CDH13: variants seen among roughly 807,000 people sequenced by gnomAD.
The protein encoded by CDH13 is cadherin 13, also known as cadherin-13.
Under a neutral mutation model 63.8 loss-of-function variants are expected in CDH13, and 24 were observed. The ratio of observed to expected loss-of-function variants is 0.38; its 90% CI spans 0.27 to 0.53. CDH13 has a LOEUF of 0.53. Among genes scored for constraint, CDH13 ranks in the 20% least tolerant of loss-of-function variants. The pLI is 0.85. For missense variants in CDH13, 1,049 were observed against 903.1 expected (o/e 1.16, Z -2.07); for synonymous variants, 503 against 355.3 (o/e 1.42, Z -4.67).
intron 6 of CDH13, among the ~76,000 whole-genome samples, chr16:83,359,733 A>G (rs1004219144): frequency 2.0e-5 from 3 of 152,192 alleles, no homozygotes; most frequent in African/African-American, 7.2e-5. Context: ...CAAATTTGCA[A>G]TTTCAGAGTG....
chr16:83,546,785 C>T (rs958553542), intron 7 of CDH13, among the ~76,000 whole-genome samples: 27 of 152,178 alleles, frequency 1.8e-4, no homozygotes, highest in African/African-American at 5.5e-4. Flanking sequence ...GCTATTGTTA[C>T]TCAGTTGATG....
chr16:82,657,286 A>G (rs1049119040), intron 1 of CDH13, among the ~76,000 whole-genome samples: 1 of 152,230 alleles, frequency 6.6e-6, no homozygotes, highest in African/African-American at 2.4e-5. Flanking sequence ...ATGTTGTAAT[A>G]AAAGTTACAT....
chr16:83,542,569 T>C (rs554457049), intron 7 of CDH13, among the ~76,000 whole-genome samples: 1 of 152,348 alleles, frequency 6.6e-6, no homozygotes, highest in East Asian at 1.9e-4. Context: ...TATTCTCCCA[T>C]GGTTCTGGAA....
chr16:83,039,949 C>T (rs140239585), intron 3 of CDH13, among the ~76,000 whole-genome samples: 1 of 152,074 alleles, frequency 6.6e-6, no homozygotes, highest in East Asian at 2.0e-4. Context: ...CCCCAGCTGG[C>T]TAGGTGTTCT....
intron 1 of CDH13, among the ~76,000 whole-genome samples, chr16:82,725,390 G>T (rs1210759039): frequency 1.3e-5 from 2 of 152,166 alleles, no homozygotes; most frequent in Non-Finnish European, 2.9e-5. Context: ...GGGTTCTGGA[G>T]CTGGACTGTC....
At position 82,715,386 on chromosome 16, in the gene CDH13, C is replaced by A. The variant is rs563022557; in HGVS notation, c.45+88249C>A. ...GTTGAGAGGCAAAGGCGGCCCCGCC[C>A]CATGCTCTGGTTTCTGCTTGCACCT... On this transcript the variant is annotated intron_variant, in intron 1 of 13. Transcript: ENST00000567109. Among the ~76,000 whole-genome samples, 52 of 152,180 alleles carry A rather than the reference C, an allele frequency of 3.4e-4. No individual in the cohort carries two copies. The South Asian group carries it at 0.011, about 31-fold the overall frequency.
intron 7 of CDH13, among the ~76,000 whole-genome samples, chr16:83,601,998 C>A (rs1183920804): frequency 6.8e-6 from 1 of 147,624 alleles, no homozygotes; most frequent in African/African-American, 2.5e-5. Flanking sequence ...GAGGCTGAGG[C>A]AGGAGAATCG....
intron 1 of CDH13, among the ~76,000 whole-genome samples, chr16:82,765,955 G>T (rs912658354): frequency 3.9e-5 from 6 of 152,160 alleles, no homozygotes; most frequent in Admixed American, 3.9e-4. Flanking sequence ...TCATAGTTAT[G>T]TGAGTTCAGA....
intron 1 of CDH13, among the ~76,000 whole-genome samples, chr16:82,809,805 A>G (rs960010763): frequency 2.6e-5 from 4 of 152,176 alleles, no homozygotes; most frequent in Admixed American, 1.3e-4. Flanking sequence ...CCCCTGATTT[A>G]CCATGCCATT....
chr16:82,689,457 T>C (rs1266877433), intron 1 of CDH13, among the ~76,000 whole-genome samples: 2 of 152,322 alleles, frequency 1.3e-5, no homozygotes, highest in African/African-American at 4.8e-5. Flanking sequence ...TTGGATTTTT[T>C]GTGGGTTTTC....
chr16:83,356,905 G>T (rs2091067956), intron 6 of CDH13, among the ~76,000 whole-genome samples: 1 of 152,152 alleles, frequency 6.6e-6, no homozygotes, highest in Admixed American at 6.5e-5. Flanking sequence ...TTATTCAGAA[G>T]ACTGGCTCTT....
At chr16:82,834,296 T>C (rs2038670973) in intron 1 of CDH13, among the ~76,000 whole-genome samples, 1 of 152,140 alleles carries the variant, frequency 6.6e-6, no homozygotes, top group South Asian at 2.1e-4. Flanking sequence ...TTCTTGGTCA[T>C]TTGTACTGAA....
chr16:83,307,093 A>G (rs944762686), intron 5 of CDH13, among the ~76,000 whole-genome samples: 2 of 152,170 alleles, frequency 1.3e-5, no homozygotes, highest in African/African-American at 4.8e-5. Flanking sequence ...GTCAATTTTC[A>G]GGAAAAACTT....
At chr16:83,652,679 G>A (rs1449359977) in intron 8 of CDH13, among the ~76,000 whole-genome samples, 1 of 152,098 alleles carries the variant, frequency 6.6e-6, no homozygotes, top group Non-Finnish European at 1.5e-5. Context: ...AAGCTGACAG[G>A]CCACGGTCTC....
At chr16:83,681,026 C>T (rs1915359895) in intron 10 of CDH13, among the ~76,000 whole-genome samples, 1 of 152,030 alleles carries the variant, frequency 6.6e-6, no homozygotes, top group African/African-American at 2.4e-5. Flanking sequence ...CAACATCTTC[C>T]TTCCTAATCA....
chr16:83,124,779 G>C lies in CDH13; in HGVS notation c.367-606G>C, dbSNP rs150682604. Among the ~76,000 whole-genome samples, 1,128 of 152,226 alleles carry C rather than the reference G, an allele frequency of 7.4e-3. 5 individuals are homozygous for C. Among genetic ancestry groups the C allele is most frequent in the Non-Finnish European group, 0.011 (770 of 68,024 alleles). ...TTAGGCCAACACCATTTATTGAATA[G>C]AGCGTCATTTCCCTATCATATATTT... On this transcript the variant is annotated intron_variant, in intron 3 of 13. Coordinates refer to ENST00000567109, the MANE Select transcript of CDH13 (RefSeq NM_001257.5).
intron 5 of CDH13, among the ~76,000 whole-genome samples, chr16:83,250,834 T>C (rs1361215035): frequency 6.6e-6 from 1 of 152,240 alleles, no homozygotes; most frequent in Non-Finnish European, 1.5e-5. Context: ...TAAGCTGCAC[T>C]CTTTCTTTCT....
intron 6 of CDH13, among the ~76,000 whole-genome samples, chr16:83,383,669 C>G (rs752634534): frequency 6.6e-6 from 1 of 152,162 alleles, no homozygotes; most frequent in Non-Finnish European, 1.5e-5. Context: ...TAATGCTGTG[C>G]TTAAATTGTG....
At chr16:83,339,909 A>T (rs16960253) in intron 5 of CDH13, among the ~76,000 whole-genome samples, 33,999 of 152,142 alleles carry the variant, frequency 0.22, 3,907 homozygotes, top group East Asian at 0.37. Context: ...GCCCACTGTG[A>T]TAAAGCTGAA....
Sources: gnomAD v4.1 joint callset for allele counts (sites outside exome capture counted in the v4.1 genomes callset) on GRCh38, gnomAD v4.1.1 for gene constraint, MANE v1.5 for transcripts, NCBI Gene and HGNC (gene_info 2026-07-23, HGNC 2026-07-21) for gene names.